Variants in LEPR observed in about 807,000 individuals in gnomAD.
LEPR encodes leptin receptor, also known as OB receptor.
Under a neutral mutation model 114.7 loss-of-function variants are expected in LEPR, and 56 were observed. That is an observed-to-expected ratio of 0.49 (90% CI 0.39 to 0.61). LEPR has a LOEUF of 0.61. LEPR is among the 20% of genes least tolerant of loss of function. The pLI, the probability that LEPR is intolerant of heterozygous loss-of-function variation, is 0.00. For missense variants in LEPR, 1,202 were observed against 1,352.9 expected (o/e 0.89, Z 1.75); for synonymous variants, 443 against 461.4 (o/e 0.96, Z 0.51).
chr1:65,431,854 C>G, intron 2 of LEPR: 1 of 1,614,118 alleles, frequency 6.2e-7, no homozygotes, highest in Middle Eastern at 1.6e-4. Flanking sequence ...AGTCATTTTC[C>G]TTACAATTCA....
In LEPR at chr1:65,434,318, G is replaced by A. The variant is rs980368875; in HGVS notation, c.-21+8940G>A. ...TTGGACATTTTTTTCCTTATAAAAG[G>A]CTCTTTTTTTATATATTGTACAATA... On this transcript the variant is annotated intron_variant, in intron 2 of 19. Transcript: ENST00000349533. 10 of 984,538 alleles carry A rather than the reference G, an allele frequency of 1.0e-5. No individual in the cohort carries two copies. In the Admixed American group the frequency reaches 5.5e-4, roughly 55 times the overall value. 61.0% of individuals were successfully genotyped at this position (984,538 alleles called of 1,614,324 possible).
At chr1:65,590,549 C>CT (rs1655625187) in intron 5 of LEPR, among the ~76,000 whole-genome samples, 1 of 151,716 alleles carries the variant, frequency 6.6e-6, no homozygotes, top group African/African-American at 2.4e-5. Context: ...TTATAAGGGG[C>CT]TTTTCCCCAC....
chr1:65,427,305 G>A (rs1297608349), intron 2 of LEPR, among the ~76,000 whole-genome samples: 1 of 152,166 alleles, frequency 6.6e-6, no homozygotes, highest in Non-Finnish European at 1.5e-5. Flanking sequence ...CGGCCGTGGT[G>A]GCTCATGCCT....
chr1:65,480,251 C>T (rs1371556020), intron 2 of LEPR, among the ~76,000 whole-genome samples: 2 of 151,758 alleles, frequency 1.3e-5, no homozygotes, highest in African/African-American at 4.8e-5. Flanking sequence ...TACTGTGCAA[C>T]AAAGAAAAAC....
Position 65,540,977 on chromosome 1 carries a change from A to G in LEPR, c.-20-24569A>G, listed in dbSNP as rs147037552. Among the ~76,000 whole-genome samples the G allele has an allele frequency of 3.1e-3, 467 of 152,228 alleles. 1 individual carries two copies. The highest frequency in any genetic ancestry group is 5.2e-3 in the Non-Finnish European group (355 of 68,012). ...CTCTTGAGTAGCTGGGATTACAGGC[A>G]TACGCCACCATGCATGGCTAATTTT... is the stretch of plus-strand genomic sequence containing the variant. On this transcript the variant is annotated intron_variant, in intron 2 of 19. Transcript: ENST00000349533.
chr1:65,556,548 A>G (rs529493933), intron 2 of LEPR, among the ~76,000 whole-genome samples: 31 of 152,222 alleles, frequency 2.0e-4, no homozygotes, highest in African/African-American at 7.0e-4. Context: ...GCGTTGATAC[A>G]CTTCTTTCAC....
At chr1:65,528,868 G>A (rs923315020) in intron 2 of LEPR, among the ~76,000 whole-genome samples, 9 of 152,008 alleles carry the variant, frequency 5.9e-5, no homozygotes, top group Non-Finnish European at 8.8e-5. Context: ...GCAATGGCTC[G>A]ATCCCAGCTC....
chr1:65,640,855 G>A lies in LEPR; in HGVS notation c.*3840G>A, dbSNP rs892138758. 1.3e-5 allele frequency: 2 copies of A among 150,312 alleles called. No homozygotes were observed. The highest frequency in any genetic ancestry group is 4.9e-5 in the African/African-American group (2 of 40,484). 9.3% of individuals were successfully genotyped at this position (150,312 alleles called of 1,614,324 possible). A position where few individuals can be genotyped will look rare whatever the true frequency, so the allele number is the denominator to read the frequency against. On this transcript the variant is annotated 3_prime_UTR_variant, in exon 20 of 20. Transcript: ENST00000349533. ...GGCTCACTGCAACCCCTGCTTCCCA[G>A]GTTCAAGCGATTCTCCTGCCTCAGC...
chr1:65,604,653 TG>T (rs1656690204), intron 10 of LEPR, among the ~76,000 whole-genome samples: 1 of 152,170 alleles, frequency 6.6e-6, no homozygotes, highest in South Asian at 2.1e-4. Flanking sequence ...CCCCAGTCCC[TG>T]GGCCACGGAC....
Position 65,565,591 on chromosome 1 carries a change from T to C in LEPR, c.26T>C (p.Val9Ala), listed in dbSNP as rs755465413. The C allele has an allele frequency of 8.7e-5, 141 of 1,613,860 alleles. No homozygotes were observed. The highest frequency in any genetic ancestry group is 1.2e-4 in the Non-Finnish European group (138 of 1,179,954). The change falls in exon 3 of 20, where the codon GTT becomes GCT. Residue 9 changes from valine (V) to alanine (A), a missense_variant. Coordinates refer to ENST00000349533, the MANE Select transcript of LEPR (RefSeq NM_002303.6). Reference protein sequence around the residue: MICQKFCVVLLHWEFIYVI... With the variant: MICQKFCVALLHWEFIYVI... ...ATGATTTGTCAAAAATTCTGTGTGG[T>C]TTTGTTACATTGGGGTAAGTTATTT...
At chr1:65,534,287 G>T (rs1013983306) in intron 2 of LEPR, among the ~76,000 whole-genome samples, 10 of 152,132 alleles carry the variant, frequency 6.6e-5, no homozygotes, top group African/African-American at 2.4e-4. Context: ...AACTACTGTG[G>T]AAGTTACCAT....
At chr1:65,445,280 A>G (rs1646700023) in intron 2 of LEPR, among the ~76,000 whole-genome samples, 1 of 152,228 alleles carries the variant, frequency 6.6e-6, no homozygotes, top group Admixed American at 6.5e-5. Context: ...TTCAATGTAT[A>G]TTTGGACAAA....
intron 5 of LEPR, chr1:65,577,047 T>C: frequency 8.2e-6 from 2 of 243,946 alleles, no homozygotes; most frequent in Non-Finnish European, 1.7e-5. Flanking sequence ...CTATTTGAAG[T>C]GCAGCCCTCA....
At position 65,497,134 on chromosome 1, in the gene LEPR, A is replaced by AT. The variant is rs530966662; in HGVS notation, c.-20-68404dup. Among the ~76,000 whole-genome samples, 361 of 151,984 alleles carry AT rather than the reference A, an allele frequency of 2.4e-3. 11 individuals are homozygous for AT. The highest frequency in any genetic ancestry group is 7.1e-4 in the Non-Finnish European group (48 of 67,964). On this transcript the variant is annotated intron_variant, in intron 2 of 19. Transcript: ENST00000349533. Reference sequence around the variant, plus strand: ...GAGCATATTATGTGATTTAATTTGAATTTTTTTTAGAAAAAATTATCCCTA... The same window carrying AT: ...GAGCATATTATGTGATTTAATTTGAATTTTTTTTTAGAAAAAATTATCCCTA...
At chr1:65,509,580 CA>C (rs983033123) in intron 2 of LEPR, among the ~76,000 whole-genome samples, 1 of 152,046 alleles carries the variant, frequency 6.6e-6, no homozygotes, top group African/African-American at 2.4e-5. Context: ...GGATAGGGTA[CA>C]AGAAACAGGG....
At chr1:65,564,870 C>G (rs1383909797) in intron 2 of LEPR, among the ~76,000 whole-genome samples, 2 of 152,190 alleles carry the variant, frequency 1.3e-5, no homozygotes, top group Non-Finnish European at 2.9e-5. Context: ...GGATTTATGA[C>G]ATAGTAGTAC....
intron 15 of LEPR, 43 bp from the exon 16 acceptor site, chr1:65,617,921 T>C: frequency 6.4e-7 from 1 of 1,553,432 alleles, no homozygotes; most frequent in South Asian, 1.2e-5. Context: ...TAGATTTTTA[T>C]TAATTTTTAA....
chr1:65,468,016 C>T (rs894840638), intron 2 of LEPR, among the ~76,000 whole-genome samples: 2 of 152,228 alleles, frequency 1.3e-5, no homozygotes, highest in African/African-American at 2.4e-5. Context: ...ATGCCCTGCC[C>T]TGCTTCAGCT....
chr1:65,547,236 A>G (rs1172401360), intron 2 of LEPR, among the ~76,000 whole-genome samples: 1 of 152,130 alleles, frequency 6.6e-6, no homozygotes, highest in East Asian at 1.9e-4. Flanking sequence ...TTTTTGCAGC[A>G]ATGTTCTTCA....
Sources: allele counts gnomAD v4.1 joint callset (sites outside exome capture counted in the v4.1 genomes callset), GRCh38; gene constraint gnomAD v4.1.1; transcripts MANE v1.5; gene names NCBI Gene and HGNC (gene_info 2026-07-23, HGNC 2026-07-21).